Variants in ITPR1 observed in about 807,000 individuals in gnomAD.
ITPR1 encodes inositol 1,4,5-trisphosphate receptor type 1.
In ITPR1, 96 loss-of-function variants were observed where a neutral mutation model predicts 318.4. That is an observed-to-expected ratio of 0.30 (90% CI 0.26 to 0.36). The LOEUF is 0.36. Among genes scored for constraint, ITPR1 ranks in the 10% least tolerant of loss-of-function variants. The pLI is 1.00. For missense variants in ITPR1, 2,440 were observed against 3,460.2 expected (o/e 0.71, Z 7.40); for synonymous variants, 1,312 against 1,289.9 (o/e 1.02, Z -0.37).
chr3:4,582,267 T>C (rs2089430899), intron 4 of ITPR1, among the ~76,000 whole-genome samples: 2 of 152,170 alleles, frequency 1.3e-5, no homozygotes, highest in Admixed American at 6.5e-5. Context: ...TCTAGACTTG[T>C]TCGAACATGC....
chr3:4,535,444 T>TTTA (rs2083774803), intron 4 of ITPR1, among the ~76,000 whole-genome samples: 2 of 130,568 alleles, frequency 1.5e-5, no homozygotes, highest in Non-Finnish European at 3.2e-5. Context: ...TTTTTTTAAT[T>TTTA]TTTTTTTTTT....
Position 4,736,174 on chromosome 3 carries a change from G to A in ITPR1, c.5544+820G>A, listed in dbSNP as rs1451662660. Among the ~76,000 whole-genome samples the A allele has an allele frequency of 2.0e-5, 3 of 151,172 alleles. No individual in the cohort carries two copies. The East Asian group carries it at 5.8e-4, about 29-fold the overall frequency. ...TTTTTTGGACGTGTATCTATGTACAGACTCGTGTACACATACACACACACA... is the reference window on the plus strand; with the variant it reads ...TTTTTTGGACGTGTATCTATGTACAAACTCGTGTACACATACACACACACA... On this transcript the variant is annotated intron_variant, in intron 44 of 61. Coordinates refer to ENST00000649015, the MANE Select transcript of ITPR1 (RefSeq NM_001378452.1).
chr3:4,824,184 T>C (rs758047183), intron 60 of ITPR1, among the ~76,000 whole-genome samples: 2 of 152,136 alleles, frequency 1.3e-5, no homozygotes, highest in Non-Finnish European at 2.9e-5. Flanking sequence ...AGCGCTGCCG[T>C]TTCTGGAGGA....
At chr3:4,805,172 G>A (rs905699620) in intron 54 of ITPR1, among the ~76,000 whole-genome samples, 2 of 152,292 alleles carry the variant, frequency 1.3e-5, no homozygotes, top group South Asian at 2.1e-4. Flanking sequence ...CAACAGCCTC[G>A]CTTCAGGCAC....
intron 12 of ITPR1, among the ~76,000 whole-genome samples, chr3:4,657,403 T>TTTG (rs1351684655): frequency 2.6e-5 from 4 of 151,564 alleles, no homozygotes; most frequent in African/African-American, 9.7e-5. Flanking sequence ...TTTTGTTTTT[T>TTTG]TTTTTTAATC....
chr3:4,576,125 A>G (rs2088631781), intron 4 of ITPR1, among the ~76,000 whole-genome samples: 2 of 152,192 alleles, frequency 1.3e-5, no homozygotes, highest in South Asian at 4.1e-4. Context: ...GAACAAAATC[A>G]TAATAGGCAA....
intron 10 of ITPR1, 101 bp downstream of exon 10, chr3:4,645,829 C>T (rs1229104382): frequency 9.3e-6 from 10 of 1,080,152 alleles, no homozygotes; most frequent in Admixed American, 2.0e-5. Flanking sequence ...CATACATATA[C>T]CTATATGTGT....
intron 57 of ITPR1, among the ~76,000 whole-genome samples, chr3:4,813,813 G>T (rs1258842416): frequency 6.6e-6 from 1 of 152,220 alleles, no homozygotes; most frequent in Non-Finnish European, 1.5e-5. Context: ...GGCGTAGGAG[G>T]TTAAACTTCG....
At chr3:4,814,209 A>G (rs189913210) in intron 57 of ITPR1, 2 of 575,168 alleles carry the variant, frequency 3.5e-6, no homozygotes, top group Admixed American at 2.6e-5. Flanking sequence ...CAATACTACC[A>G]TAGCTGGAGA....
At chr3:4,778,889 A>G (rs1367268280) in intron 48 of ITPR1, among the ~76,000 whole-genome samples, 2 of 152,242 alleles carry the variant, frequency 1.3e-5, no homozygotes, top group Non-Finnish European at 2.9e-5. Flanking sequence ...AGAAGCATAC[A>G]AAGTATCATA....
chr3:4,560,349 T>G (rs2086552561), intron 4 of ITPR1, among the ~76,000 whole-genome samples: 1 of 150,502 alleles, frequency 6.6e-6, no homozygotes, highest in Non-Finnish European at 1.5e-5. Flanking sequence ...TTGTGTAGAT[T>G]TTTTAAACAA....
rs746092558 is a variant in ITPR1 at position 4,697,138 on chromosome 3, A to G, written c.4282-9A>G. The G allele has an allele frequency of 1.9e-5, 31 of 1,610,076 alleles. No homozygotes were observed. In the African/African-American group the frequency reaches 2.4e-4, roughly 12 times the overall value. On this transcript the variant is annotated splice_polypyrimidine_tract_variant and intron_variant, in intron 33 of 61. Transcript: ENST00000649015. Reference sequence around the variant, plus strand: ...TGGTTTTTCAGAAAAGCTTCTTTCTATCTTGCAGGTTAAAATTGCATACAT... The same window carrying G: ...TGGTTTTTCAGAAAAGCTTCTTTCTGTCTTGCAGGTTAAAATTGCATACAT...
chr3:4,603,045 TAAC>T (rs1227430517), intron 4 of ITPR1, among the ~76,000 whole-genome samples: 34 of 152,086 alleles, frequency 2.2e-4, no homozygotes, highest in Admixed American at 2.2e-3. Flanking sequence ...AGCTTACTGG[TAAC>T]AAAATATATG....
intron 4 of ITPR1, among the ~76,000 whole-genome samples, chr3:4,595,236 G>A (rs2090709624): frequency 6.6e-6 from 1 of 152,204 alleles, no homozygotes; most frequent in African/African-American, 2.4e-5. Context: ...TAGGAAGCAT[G>A]ATGCTGGCAT....
intron 4 of ITPR1, among the ~76,000 whole-genome samples, chr3:4,547,893 A>AT (rs370083620): frequency 6.6e-5 from 10 of 151,202 alleles, no homozygotes; most frequent in East Asian, 5.8e-4. Flanking sequence ...CATTCAGATT[A>AT]TTTTTTTTTC....
chr3:4,746,977 C>T (rs1370986692), intron 44 of ITPR1, among the ~76,000 whole-genome samples: 1 of 152,202 alleles, frequency 6.6e-6, no homozygotes, highest in Non-Finnish European at 1.5e-5. Flanking sequence ...CACCGTGTTA[C>T]TTTAGCCTTC....
chr3:4,790,808 A>G (rs970007627), intron 52 of ITPR1, among the ~76,000 whole-genome samples: 3 of 152,322 alleles, frequency 2.0e-5, no homozygotes, highest in East Asian at 3.9e-4. Context: ...AAAATATGCA[A>G]TTGCTCTGAG....
In ITPR1 at chr3:4,828,091, G is replaced by A. The variant is rs182597471; in HGVS notation, c.8029-8683G>A. 1.2e-3 allele frequency among the ~76,000 whole-genome samples: 190 copies of A among 152,216 alleles called. 6 individuals carry two copies. In the South Asian group the frequency reaches 0.037, roughly 29 times the overall value. Reference sequence around the variant, plus strand: ...TAAAGCTGAGATGGAACGTGGTTGCGTTGAAGCAGCTTATTGGTGAGGATG... The same window carrying A: ...TAAAGCTGAGATGGAACGTGGTTGCATTGAAGCAGCTTATTGGTGAGGATG... On this transcript the variant is annotated intron_variant, in intron 60 of 61. Transcript: ENST00000649015.
intron 22 of ITPR1, 95 bp from the exon 23 acceptor site, chr3:4,674,973 C>G (rs2094154981): frequency 4.6e-6 from 3 of 653,280 alleles, no homozygotes; most frequent in Non-Finnish European, 7.9e-6. Flanking sequence ...AAGGAAGGTC[C>G]AAGTCTGTCA....
Sources: gnomAD v4.1 joint callset for allele counts (sites outside exome capture counted in the v4.1 genomes callset) on GRCh38, gnomAD v4.1.1 for gene constraint, MANE v1.5 for transcripts, NCBI Gene and HGNC (gene_info 2026-07-23, HGNC 2026-07-21) for gene names.